The following NLGN1 variants were observed in gnomAD, a reference collection of about 807,000 sequenced individuals.
NLGN1 encodes the protein neuroligin 1.
NLGN1 carries 12 observed loss-of-function variants against 65.5 expected under a neutral mutation model. The observed-to-expected ratio is 0.18, with a 90% CI of 0.12 to 0.30. The LOEUF (loss-of-function observed/expected upper bound fraction) is 0.30, where lower values mean the gene tolerates loss of function less well. Ranked by LOEUF, NLGN1 falls within the 10% of genes least tolerant of loss-of-function variation. The pLI is 1.00. For missense variants in NLGN1, 750 were observed against 1,007.1 expected (o/e 0.74, Z 3.46); for synonymous variants, 350 against 359.5 (o/e 0.97, Z 0.30).
chr3:173,701,488 C>T (rs1033765805), intron 3 of NLGN1, among the ~76,000 whole-genome samples: 1 of 152,070 alleles, frequency 6.6e-6, no homozygotes, highest in Non-Finnish European at 1.5e-5. Context: ...TATAGAGCCT[C>T]CAGAAATAAT....
rs185784909 is a variant in NLGN1, at chr3:173,978,606, A to G, written c.646+170774A>G. Among the ~76,000 whole-genome samples the G allele has an allele frequency of 5.5e-3, 842 of 152,126 alleles. 6 individuals are homozygous for G. Among genetic ancestry groups the G allele is most frequent in the Middle Eastern group, 0.051 (15 of 294 alleles). On this transcript the variant is annotated intron_variant, in intron 4 of 6. Transcript: ENST00000457714. ...TAAGGACCAAAAGTAGCAGTCAAGAAGAAGAAAAATCAAAAGAATGTGATG... is the reference window on the plus strand; with the variant it reads ...TAAGGACCAAAAGTAGCAGTCAAGAGGAAGAAAAATCAAAAGAATGTGATG...
intron 4 of NLGN1, among the ~76,000 whole-genome samples, chr3:174,160,702 A>G (rs1312262256): frequency 3.3e-5 from 5 of 150,958 alleles, no homozygotes; most frequent in African/African-American, 1.2e-4. Context: ...TAATAATTGT[A>G]TATTTTCTAT....
In NLGN1 at chr3:173,979,157, T is replaced by G. The variant is rs141619662; in HGVS notation, c.646+171325T>G. ...GGGATTAAGTCAGATTAGAGTAAAT[T>G]GAGGAGTGAATGGGGAAGCAAGAAC... On this transcript the variant is annotated intron_variant, in intron 4 of 6. Transcript: ENST00000457714. 2.8e-3 allele frequency among the ~76,000 whole-genome samples: 421 copies of G among 151,954 alleles called. 1 individual carries two copies. Among genetic ancestry groups the G allele is most frequent in the African/African-American group, 9.7e-3 (402 of 41,484 alleles).
At chr3:174,107,017 C>CAGAGAGAGAGAGAGAG (rs71162376) in intron 4 of NLGN1, among the ~76,000 whole-genome samples, 27 of 97,686 alleles carry the variant, frequency 2.8e-4, no homozygotes, top group South Asian at 1.3e-3. Flanking sequence ...CACACACACA[C>CAGAGAGAGAGAGAGAG]AGAGAGAGAG....
At chr3:174,011,101 A>G (rs935362028) in intron 4 of NLGN1, among the ~76,000 whole-genome samples, 2 of 152,184 alleles carry the variant, frequency 1.3e-5, no homozygotes, top group African/African-American at 4.8e-5. Flanking sequence ...AGGATAAAGT[A>G]AAGGTAACTG....
intron 2 of NLGN1, among the ~76,000 whole-genome samples, chr3:173,441,440 G>A (rs1239977468): frequency 2.0e-5 from 3 of 152,154 alleles, no homozygotes; most frequent in Non-Finnish European, 4.4e-5. Flanking sequence ...GATTGAAGGT[G>A]AGATATATGT....
chr3:173,703,773 G>A (rs1013516955), intron 3 of NLGN1, among the ~76,000 whole-genome samples: 3 of 152,180 alleles, frequency 2.0e-5, no homozygotes, highest in Non-Finnish European at 2.9e-5. Context: ...ACAGAATATT[G>A]AACCACGCCA....
chr3:173,885,489 C>T (rs1734164696), intron 4 of NLGN1, among the ~76,000 whole-genome samples: 1 of 152,172 alleles, frequency 6.6e-6, no homozygotes, highest in Admixed American at 6.5e-5. Flanking sequence ...TAAAACTAAA[C>T]TACTTAACAG....
intron 4 of NLGN1, among the ~76,000 whole-genome samples, chr3:174,154,009 T>C (rs7610242): frequency 0.37 from 55,737 of 151,882 alleles, 11,959 homozygotes; most frequent in African/African-American, 0.59. Context: ...TGAACCACAA[T>C]GTAACCAAAA....
chr3:173,493,594 CTCTT>C (rs1729527340), intron 2 of NLGN1, among the ~76,000 whole-genome samples: 1 of 151,822 alleles, frequency 6.6e-6, no homozygotes, highest in Non-Finnish European at 1.5e-5. Flanking sequence ...CATTCATAAA[CTCTT>C]TCAGTGTTAA....
chr3:173,823,017 G>A (rs1720625789), intron 4 of NLGN1, among the ~76,000 whole-genome samples: 1 of 151,904 alleles, frequency 6.6e-6, no homozygotes, highest in Non-Finnish European at 1.5e-5. Flanking sequence ...CTCTAAGACT[G>A]TTCTATATGA....
chr3:174,138,683 C>T (rs1721704970), intron 4 of NLGN1, among the ~76,000 whole-genome samples: 1 of 152,068 alleles, frequency 6.6e-6, no homozygotes, highest in Non-Finnish European at 1.5e-5. Context: ...ATCCGCCCGC[C>T]TCGGCCTCCC....
At chr3:173,402,713 C>A (rs1177429280) in intron 1 of NLGN1, among the ~76,000 whole-genome samples, 2 of 152,156 alleles carry the variant, frequency 1.3e-5, no homozygotes, top group African/African-American at 4.8e-5. Flanking sequence ...AAGCAGTCTT[C>A]TTCTCATGGA....
At chr3:173,658,631 C>T (rs1211354805) in intron 3 of NLGN1, among the ~76,000 whole-genome samples, 1 of 152,026 alleles carries the variant, frequency 6.6e-6, no homozygotes, top group Admixed American at 6.6e-5. Context: ...GAAGGCATCA[C>T]AGCCTTCTTG....
rs143531325 is a variant in NLGN1, at chr3:174,231,701, A to G, written c.647-43614A>G. Among the ~76,000 whole-genome samples the G allele has an allele frequency of 6.0e-3, 907 of 152,176 alleles. 9 individuals are homozygous for G. The highest frequency in any genetic ancestry group is 0.021 in the African/African-American group (851 of 41,512). ...CCTGGGCTCATGATCCCTGATCTCC[A>G]GGGCTCTCATTCCTGTTCCCCCAGC... On this transcript the variant is annotated intron_variant, in intron 4 of 6. Transcript: ENST00000457714.
intron 3 of NLGN1, among the ~76,000 whole-genome samples, chr3:173,696,247 C>T (rs1047495789): frequency 4.6e-5 from 7 of 152,130 alleles, no homozygotes; most frequent in Admixed American, 2.0e-4. Flanking sequence ...TTTTGCCCTC[C>T]GAAGGTTTAA....
chr3:173,894,487 C>A (rs1256116132), intron 4 of NLGN1, among the ~76,000 whole-genome samples: 5 of 152,036 alleles, frequency 3.3e-5, no homozygotes, highest in Non-Finnish European at 5.9e-5. Context: ...TCTTGCTTTT[C>A]TTTGATATTT....
intron 4 of NLGN1, among the ~76,000 whole-genome samples, chr3:174,274,856 TCTACA>T (rs1459105742): frequency 1.3e-5 from 2 of 151,852 alleles, no homozygotes; most frequent in Non-Finnish European, 2.9e-5. Flanking sequence ...ACCCGCCTGC[TCTACA>T]CATGTCCATC....
intron 4 of NLGN1, among the ~76,000 whole-genome samples, chr3:174,154,995 T>A (rs1725148156): frequency 2.2e-5 from 3 of 136,166 alleles, no homozygotes; most frequent in Admixed American, 7.6e-5. Context: ...TTATATATTA[T>A]ATATATTTAT....
Sources: gnomAD v4.1 joint callset for allele counts (sites outside exome capture counted in the v4.1 genomes callset) on GRCh38, gnomAD v4.1.1 for gene constraint, MANE v1.5 for transcripts, NCBI Gene and HGNC (gene_info 2026-07-23, HGNC 2026-07-21) for gene names.